Variants in SLC27A1 observed in about 807,000 individuals in gnomAD.
The protein encoded by SLC27A1 is solute carrier family 27 member 1.
A neutral mutation model predicts 62.2 loss-of-function variants in SLC27A1; 61 were observed. The observed-to-expected ratio is 0.98, with a 90% confidence interval of 0.80 to 1.21. The LOEUF (loss-of-function observed/expected upper bound fraction) is 1.21. SLC27A1 is among the 50% of genes most tolerant of loss of function. SLC27A1 has a pLI of 0.00. For missense variants in SLC27A1, 903 were observed against 932.1 expected (o/e 0.97, Z 0.41); for synonymous variants, 435 against 408.6 (o/e 1.06, Z -0.78).
chr19:17,494,388 T>C (rs58519819), intron 6 of SLC27A1, among the ~76,000 whole-genome samples: 18,053 of 148,980 alleles, frequency 0.12, 1,215 homozygotes, highest in Non-Finnish European at 0.16. Context: ...AGTGCAGTGG[T>C]GCGATCTCAG....
intron 6 of SLC27A1, among the ~76,000 whole-genome samples, chr19:17,491,516 G>A (rs1335598838): frequency 6.6e-6 from 1 of 152,176 alleles, no homozygotes; most frequent in Non-Finnish European, 1.5e-5. Context: ...TGTCAAAAAT[G>A]TGTTTTTTCT....
At chr19:17,469,474 T>C (rs1178821131), upstream of SLC27A1, among the ~76,000 whole-genome samples, 3 of 151,922 alleles carry the variant, frequency 2.0e-5, no homozygotes, top group Non-Finnish European at 4.4e-5. Context: ...GGTCCTGATA[T>C]CTTGCGAGCC....
At chr19:17,470,485 G>T (rs1017943069), upstream of SLC27A1, 1 of 1,455,898 alleles carries the variant, frequency 6.9e-7, no homozygotes, top group Non-Finnish European at 9.0e-7. Context: ...GGGCGGAGCG[G>T]GTCGTGGGGC....
chr19:17,497,162 TC>T, intron 6 of SLC27A1, 92 bp from the exon 7 acceptor site: 6 of 974,942 alleles, frequency 6.2e-6, no homozygotes, highest in Non-Finnish European at 9.1e-6. Flanking sequence ...TAGGATTAGC[TC>T]CCTGGGTGGG....
At chr19:17,470,339 G>T, upstream of SLC27A1, 1 of 579,708 alleles carries the variant, frequency 1.7e-6, no homozygotes, top group Non-Finnish European at 2.8e-6. Flanking sequence ...CTGGAAAGGG[G>T]CGATGCCTGG....
intron 1 of SLC27A1, among the ~76,000 whole-genome samples, chr19:17,472,586 G>A (rs1327232997): frequency 2.0e-5 from 3 of 151,914 alleles, no homozygotes; most frequent in African/African-American, 7.2e-5. Flanking sequence ...GAGTGCAGTG[G>A]TGCGATCTTG....
intron 7 of SLC27A1, chr19:17,497,735 C>A: frequency 2.1e-6 from 1 of 476,220 alleles, no homozygotes; most frequent in Non-Finnish European, 3.7e-6. Flanking sequence ...CTGGCAAGTG[C>A]CTCAGCCTTT....
chr19:17,473,589 C>T (rs12459207), intron 1 of SLC27A1, among the ~76,000 whole-genome samples: 21,712 of 152,122 alleles, frequency 0.14, 1,759 homozygotes, highest in Non-Finnish European at 0.19. Flanking sequence ...CGGCTGGGCG[C>T]GGTGGCTCAC....
chr19:17,490,815 G>A (rs539350874), intron 6 of SLC27A1, among the ~76,000 whole-genome samples: 3 of 152,188 alleles, frequency 2.0e-5, no homozygotes, highest in African/African-American at 7.2e-5. Flanking sequence ...ATCACTTGAG[G>A]TCAGGAGTTT....
In SLC27A1 at chr19:17,497,408, G is replaced by A. The variant is rs1039576343; in HGVS notation, c.1150G>A (p.Gly384Arg). 2 of 1,604,310 alleles carry A rather than the reference G, an allele frequency of 1.2e-6. No individual in the cohort carries two copies. The highest frequency in any genetic ancestry group is 1.4e-5 in the African/African-American group (1 of 74,054). Reference protein sequence around the residue: ...FTERFGVRQIGEFYGATECNC... With the variant: ...FTERFGVRQIREFYGATECNC... ...GGAGCGCTTCGGCGTACGCCAAATC[G>A]GGGAGTTCTACGGCGCCACCGAGTG... Residue 384 changes from glycine to arginine, a missense_variant, in exon 7 of 12, where the codon GGG (glycine) becomes AGG (arginine). Physicochemically the swap from Gly to Arg is moderately radical, Grantham distance 125. Transcript: ENST00000252595.
chr19:17,476,347 C>A lies in SLC27A1; in HGVS notation c.167+5640C>A, dbSNP rs189447670. ...GGTCAGGAGTTCGAGACTAGCCTGG[C>A]CAACGTGGCGAAACCCTGTCTCTAC... On this transcript the variant is annotated intron_variant, in intron 1 of 11. Transcript: ENST00000252595. Among the ~76,000 whole-genome samples the A allele has an allele frequency of 1.4e-4, 22 of 152,138 alleles. No homozygotes were observed. In the East Asian group the frequency reaches 3.3e-3, roughly 23 times the overall value.
At chr19:17,473,812 A>C (rs1476474586) in intron 1 of SLC27A1, among the ~76,000 whole-genome samples, 1 of 152,210 alleles carries the variant, frequency 6.6e-6, no homozygotes, top group Non-Finnish European at 1.5e-5. Flanking sequence ...CAGTGAGCCA[A>C]GATCGTGCCA....
At chr19:17,471,484 G>A (rs759413218) in intron 1 of SLC27A1, among the ~76,000 whole-genome samples, 2 of 151,908 alleles carry the variant, frequency 1.3e-5, no homozygotes, top group Non-Finnish European at 2.9e-5. Flanking sequence ...GGGTTTTTGC[G>A]GTGTCTCTGA....
intron 10 of SLC27A1, 133 bp from the exon 11 acceptor site, chr19:17,501,140 C>A: frequency 7.4e-7 from 1 of 1,346,158 alleles, no homozygotes; most frequent in Non-Finnish European, 1.0e-6. Flanking sequence ...TGTGTGGCTG[C>A]TTCCATAAAT....
chr19:17,482,949 G>A (rs757562654), intron 1 of SLC27A1, among the ~76,000 whole-genome samples: 5 of 150,510 alleles, frequency 3.3e-5, no homozygotes, highest in Non-Finnish European at 5.9e-5. Flanking sequence ...GATCTCCTGC[G>A]TGCTCACAAT....
intron 1 of SLC27A1, among the ~76,000 whole-genome samples, chr19:17,471,312 A>AT (rs1347908619): frequency 6.6e-6 from 1 of 151,568 alleles, no homozygotes; most frequent in Non-Finnish European, 1.5e-5. Context: ...ACTGTTTGAG[A>AT]TTTTGGGGTC....
chr19:17,469,919 A>T (rs1315352952), upstream of SLC27A1, among the ~76,000 whole-genome samples: 1 of 71,948 alleles, frequency 1.4e-5, no homozygotes, highest in South Asian at 4.9e-4. Context: ...GTGGGGAGGC[A>T]TATGTCTAAC....
Position 17,497,304 on chromosome 19 carries a change from T to C in SLC27A1, c.1046T>C (p.Val349Ala). ...EICRYLLKQP[V>A]REAERRHRVR... ...TGCCGCTACCTGCTGAAGCAGCCGG[T>C]GCGCGAGGCGGAGAGGCGACACCGC... The change falls in exon 7 of 12, where the codon GTG becomes GCG. Residue 349 changes from valine (V) to alanine (A), a missense_variant. Coordinates refer to ENST00000252595, the MANE Select transcript of SLC27A1 (RefSeq NM_198580.3). 6.2e-6 allele frequency: 10 copies of C among 1,606,028 alleles called. No homozygotes were observed. The highest frequency in any genetic ancestry group is 7.6e-6 in the Non-Finnish European group (9 of 1,177,456).
chr19:17,488,975 C>T (rs746224896), intron 5 of SLC27A1, 33 bp from the exon 6 acceptor site: 56 of 1,613,198 alleles, frequency 3.5e-5, no homozygotes, highest in Non-Finnish European at 4.5e-5. Flanking sequence ...TGGGTGGGGG[C>T]GGGGGACCCC....
Sources: gnomAD v4.1 joint callset for allele counts (sites outside exome capture counted in the v4.1 genomes callset) on GRCh38, gnomAD v4.1.1 for gene constraint, MANE v1.5 for transcripts, NCBI Gene and HGNC (gene_info 2026-07-23, HGNC 2026-07-21) for gene names.